CLSTN2: variants seen among roughly 807,000 people sequenced by gnomAD.
CLSTN2 encodes calsyntenin-2.
CLSTN2 carries 48 observed loss-of-function variants against 101.2 expected under a neutral mutation model. The ratio of observed to expected loss-of-function variants is 0.47; its 90% CI spans 0.38 to 0.60. The LOEUF is 0.60. CLSTN2 is among the 20% of genes least tolerant of loss of function. The probability of loss-of-function intolerance (pLI) is 0.00; values close to 1 mark genes in which losing one functional copy is unlikely to be tolerated. For synonymous variants in CLSTN2, 481 were observed against 463.6 expected (o/e 1.04, Z -0.48); for missense variants, 1,160 against 1,238.2 (o/e 0.94, Z 0.95).
rs1189087711 is a variant in CLSTN2, at chr3:140,171,664, TATATA to T, written c.110-4282_110-4278del. Reference sequence around the variant, plus strand: ...TATATATAATACGTATTATATATTATATATAATATGTATTATATATAATATATATT... The same window carrying T: ...TATATATAATACGTATTATATATTATATATGTATTATATATAATATATATT... On this transcript the variant is annotated intron_variant, in intron 1 of 16. Transcript: ENST00000458420. Among the ~76,000 whole-genome samples, 6 of 5,510 alleles carry T rather than the reference TATATA, an allele frequency of 1.1e-3. No homozygotes were observed. The Admixed American group carries it at 0.013, about 12-fold the overall frequency. The allele number at this position is 5,510 out of a possible 152,430, so 3.6% of individuals were successfully genotyped here.
chr3:140,286,008 G>A (rs2086892552), intron 2 of CLSTN2, among the ~76,000 whole-genome samples: 1 of 152,144 alleles, frequency 6.6e-6, no homozygotes, highest in African/African-American at 2.4e-5. Flanking sequence ...TGACAATGCA[G>A]GGGTGTTGTA....
At chr3:140,243,862 C>T (rs535083704) in intron 2 of CLSTN2, among the ~76,000 whole-genome samples, 6 of 152,260 alleles carry the variant, frequency 3.9e-5, no homozygotes, top group East Asian at 1.9e-4. Context: ...CCCTGAATGG[C>T]GCAAGTGAGA....
chr3:140,506,857 A>C (rs1012781662), intron 8 of CLSTN2: 1 of 152,212 alleles, frequency 6.6e-6, no homozygotes, highest in Non-Finnish European at 1.5e-5. Flanking sequence ...AAATGTAATA[A>C]TTTTTAATAT....
chr3:140,528,626 G>A (rs2107777494), intron 8 of CLSTN2, among the ~76,000 whole-genome samples: 1 of 123,334 alleles, frequency 8.1e-6, no homozygotes, highest in Non-Finnish European at 1.6e-5. Flanking sequence ...CCCAAACCTA[G>A]TGCCTCTGAC....
At chr3:140,178,196 T>C (rs1369089091) in intron 2 of CLSTN2, among the ~76,000 whole-genome samples, 1 of 152,104 alleles carries the variant, frequency 6.6e-6, no homozygotes, top group Non-Finnish European at 1.5e-5. Context: ...TAAGCTGTTC[T>C]ACAGTAAAGT....
chr3:140,354,765 T>C (rs2087650144), intron 2 of CLSTN2, among the ~76,000 whole-genome samples: 1 of 152,258 alleles, frequency 6.6e-6, no homozygotes, highest in Admixed American at 6.5e-5. Flanking sequence ...CTACCTTTTG[T>C]ATAAGACAGA....
intron 8 of CLSTN2, 134 bp downstream of exon 8, chr3:140,466,865 G>C: frequency 8.8e-7 from 1 of 1,137,172 alleles, no homozygotes; most frequent in Non-Finnish European, 1.2e-6. Flanking sequence ...TCAGCTTAGG[G>C]AGACACACAG....
At chr3:140,065,742 A>T (rs987260352) in intron 1 of CLSTN2, among the ~76,000 whole-genome samples, 1 of 152,196 alleles carries the variant, frequency 6.6e-6, no homozygotes, top group African/African-American at 2.4e-5. Flanking sequence ...TAAATGCATC[A>T]TAGGCTTTAC....
chr3:140,373,065 C>G (rs1309068509), intron 2 of CLSTN2, among the ~76,000 whole-genome samples: 1 of 152,140 alleles, frequency 6.6e-6, no homozygotes, highest in Non-Finnish European at 1.5e-5. Flanking sequence ...GAGACCCTGC[C>G]TCTAAAGTTA....
chr3:140,010,187 C>T (rs140232065), intron 1 of CLSTN2, among the ~76,000 whole-genome samples: 166 of 152,210 alleles, frequency 1.1e-3, no homozygotes, highest in African/African-American at 3.9e-3. Flanking sequence ...TAACTGTTTG[C>T]GGTAGGAAAC....
intron 2 of CLSTN2, among the ~76,000 whole-genome samples, chr3:140,235,540 T>C (rs191511320): frequency 3.0e-4 from 45 of 152,338 alleles, no homozygotes; most frequent in African/African-American, 1.0e-3. Context: ...GATCCTCCCG[T>C]GGGTCTGAGT....
chr3:140,370,678 G>C (rs1261547837), intron 2 of CLSTN2, among the ~76,000 whole-genome samples: 1 of 152,172 alleles, frequency 6.6e-6, no homozygotes, highest in Non-Finnish European at 1.5e-5. Flanking sequence ...TAGAGCTTAA[G>C]TGGGAAATAC....
chr3:140,422,441 TC>T (rs2088516773), intron 5 of CLSTN2, among the ~76,000 whole-genome samples: 1 of 152,122 alleles, frequency 6.6e-6, no homozygotes. Context: ...CTGACATCAT[TC>T]CCCTCAGAAG....
chr3:140,376,574 T>A (rs1412948999), intron 2 of CLSTN2, among the ~76,000 whole-genome samples: 1 of 152,230 alleles, frequency 6.6e-6, no homozygotes, highest in East Asian at 1.9e-4. Flanking sequence ...ATAGGTAAAC[T>A]CTACATGGAT....
intron 6 of CLSTN2, among the ~76,000 whole-genome samples, chr3:140,453,462 A>G (rs886072754): frequency 1.3e-5 from 2 of 152,194 alleles, no homozygotes; most frequent in African/African-American, 4.8e-5. Context: ...AATTCAACAA[A>G]TATCTGTTGA....
At chr3:140,197,840 T>C (rs2010665991) in intron 2 of CLSTN2, among the ~76,000 whole-genome samples, 1 of 152,210 alleles carries the variant, frequency 6.6e-6, no homozygotes, top group Non-Finnish European at 1.5e-5. Flanking sequence ...GTTTCTATTC[T>C]GCATCTAGCT....
At chr3:140,202,110 A>G (rs2010724936) in intron 2 of CLSTN2, among the ~76,000 whole-genome samples, 1 of 152,164 alleles carries the variant, frequency 6.6e-6, no homozygotes, top group South Asian at 2.1e-4. Context: ...GCTGTGGGCC[A>G]TGGTCAGAAC....
intron 8 of CLSTN2, among the ~76,000 whole-genome samples, chr3:140,502,109 C>A (rs182186086): frequency 5.4e-4 from 82 of 152,266 alleles, no homozygotes; most frequent in African/African-American, 1.1e-3. Context: ...TGTATGAAAG[C>A]AGGCTGTGCT....
rs1007490062 is a variant in CLSTN2, at chr3:140,238,750, T to C, written c.232+62677T>C. 2.6e-5 allele frequency among the ~76,000 whole-genome samples: 4 copies of C among 152,286 alleles called. 1 individual carries two copies. The South Asian group carries it at 8.3e-4, about 32-fold the overall frequency. On this transcript the variant is annotated intron_variant, in intron 2 of 16. Transcript: ENST00000458420. ...CACTGTGCCTTCTCAGAACACCATG[T>C]CAAAACCATTTTAATTTGAGTTAGT...
Sources: allele counts gnomAD v4.1 joint callset (sites outside exome capture counted in the v4.1 genomes callset), GRCh38; gene constraint gnomAD v4.1.1; transcripts MANE v1.5; gene names NCBI Gene and HGNC (gene_info 2026-07-23, HGNC 2026-07-21).